Variants in DMD observed in about 807,000 individuals in gnomAD.
DMD encodes dystrophin.
In DMD, 63 loss-of-function variants were observed where a neutral mutation model predicts 330.1. The observed-to-expected ratio is 0.19, with a 90% CI of 0.16 to 0.24. The LOEUF is 0.24. Ranked by LOEUF, DMD falls within the 10% of genes least tolerant of loss-of-function variation. DMD has a pLI of 1.00. For missense variants in DMD, 3,344 were observed against 2,684.1 expected, an observed-to-expected ratio of 1.25 and a Z score of -5.43; for synonymous variants, 1,223 against 959.8, an observed-to-expected ratio of 1.27 and a Z score of -5.07.
chrX:31,325,177 T>C (rs1256466878), intron 61 of DMD, among the ~76,000 whole-genome samples: 1 of 111,504 alleles, frequency 9.0e-6, no homozygotes, highest in Non-Finnish European at 1.9e-5. Context: ...TCCTCCTGCC[T>C]TCCCTGCTTC....
At chrX:31,408,511 T>C (rs1304135896) in intron 60 of DMD, among the ~76,000 whole-genome samples, 4 of 110,890 alleles carry the variant, frequency 3.6e-5, no homozygotes. Context: ...GTTTAAGTGA[T>C]TCTCATGCCT....
Position 32,190,547 on chromosome X carries a change from ATT to A in DMD, c.6438+26367_6438+26368del, listed in dbSNP as rs1491475502. Among the ~76,000 whole-genome samples the A allele has an allele frequency of 1.1e-4, 4 of 35,876 alleles. 1 individual carries two copies. In the East Asian group the frequency reaches 3.5e-3, roughly 31 times the overall value. The allele number at this position is 35,876 out of a possible 115,157, so 31.2% of individuals were successfully genotyped here. Reference sequence around the variant, plus strand: ...CATATTCTAGCTAACCATATTTAAAATTTTATATATATATATATATATATATA... The same window carrying A: ...CATATTCTAGCTAACCATATTTAAAATTATATATATATATATATATATATA... On this transcript the variant is annotated intron_variant, in intron 44 of 78. Coordinates refer to ENST00000357033, the MANE Select transcript of DMD (RefSeq NM_004006.3).
At chrX:31,238,786 C>G (rs375716597) in intron 63 of DMD, among the ~76,000 whole-genome samples, 141 of 111,635 alleles carry the variant, frequency 1.3e-3, no homozygotes, top group African/African-American at 4.4e-3. Flanking sequence ...CAGTAGTACC[C>G]TCAGAAGAAC....
At chrX:32,343,883 T>C (rs1396208901) in intron 39 of DMD, among the ~76,000 whole-genome samples, 2 of 112,253 alleles carry the variant, frequency 1.8e-5, no homozygotes, top group East Asian at 2.8e-4. Flanking sequence ...TGTTCGTATA[T>C]TGGTGAACAT....
intron 45 of DMD, among the ~76,000 whole-genome samples, chrX:31,955,334 C>T (rs1049815417): frequency 1.8e-5 from 2 of 112,129 alleles, no homozygotes; most frequent in Non-Finnish European, 3.8e-5. Context: ...TCTACCCTGT[C>T]GTCACTATTA....
At chrX:32,910,877 T>C (rs892768445) in intron 2 of DMD, among the ~76,000 whole-genome samples, 9 of 112,391 alleles carry the variant, frequency 8.0e-5, no homozygotes, top group Non-Finnish European at 1.5e-4. Flanking sequence ...CACAAAGCCA[T>C]GTCTTAGAGC....
At chrX:32,600,606 A>T (rs1328496149) in intron 12 of DMD, among the ~76,000 whole-genome samples, 2 of 105,847 alleles carry the variant, frequency 1.9e-5, no homozygotes, top group Non-Finnish European at 3.8e-5. Flanking sequence ...ACGCACACAC[A>T]CACACACACA....
At chrX:31,436,401 T>A (rs2149035157) in intron 60 of DMD, among the ~76,000 whole-genome samples, 1 of 111,345 alleles carries the variant, frequency 9.0e-6, no homozygotes, top group Admixed American at 9.6e-5. Context: ...ATACTTCATA[T>A]AATTTTTTCA....
intron 1 of DMD, among the ~76,000 whole-genome samples, chrX:33,118,548 C>G (rs943554659): frequency 5.4e-5 from 6 of 111,780 alleles, no homozygotes; most frequent in Non-Finnish European, 1.1e-4. Flanking sequence ...TTACTCAGTC[C>G]TAGGAAAAGA....
chrX:32,789,955 A>G (rs1185594966), intron 7 of DMD, among the ~76,000 whole-genome samples: 2 of 112,311 alleles, frequency 1.8e-5, no homozygotes, highest in African/African-American at 6.5e-5. Flanking sequence ...AAGTAAAAAC[A>G]CTGGTTTCAA....
intron 44 of DMD, among the ~76,000 whole-genome samples, chrX:31,979,621 T>C (rs2095462546): frequency 1.3e-5 from 1 of 76,239 alleles, no homozygotes; most frequent in Non-Finnish European, 2.7e-5. Flanking sequence ...ACTAGGGGTC[T>C]AGCAAAAAAA....
chrX:32,040,950 C>T (rs1417786477), intron 44 of DMD, among the ~76,000 whole-genome samples: 1 of 111,339 alleles, frequency 9.0e-6, no homozygotes, highest in Non-Finnish European at 1.9e-5. Context: ...TGTATACAGA[C>T]ACATCCCCTG....
At chrX:32,282,507 T>C (rs970123439) in intron 43 of DMD, among the ~76,000 whole-genome samples, 14 of 112,124 alleles carry the variant, frequency 1.2e-4, no homozygotes, top group Non-Finnish European at 1.7e-4. Context: ...GTGTTGACTG[T>C]TAGTGAACAA....
chrX:31,236,413 C>G (rs1321486105), intron 63 of DMD, among the ~76,000 whole-genome samples: 2 of 112,487 alleles, frequency 1.8e-5, no homozygotes, highest in African/African-American at 6.5e-5. Context: ...ATCGTCCACC[C>G]CCGCAATCCT....
intron 50 of DMD, among the ~76,000 whole-genome samples, chrX:31,814,482 CAAAAAAAAAAAAAAAAA>C (rs151208391): frequency 4.5e-4 from 13 of 28,993 alleles, no homozygotes; most frequent in South Asian, 5.6e-3. Context: ...GACTCCGTCT[CAAAAAAAAAAAAAAAAA>C]AAAAAAAAAA....
chrX:32,614,651 A>C (rs2057419828), intron 11 of DMD, among the ~76,000 whole-genome samples, 198 bp from the exon 12 acceptor site: 1 of 111,433 alleles, frequency 9.0e-6, no homozygotes, highest in African/African-American at 3.3e-5. Context: ...ATAGTTCACA[A>C]ATCCTGATTT....
chrX:31,424,739 A>G (rs1472610483), intron 60 of DMD, among the ~76,000 whole-genome samples: 3 of 112,737 alleles, frequency 2.7e-5, no homozygotes, highest in Non-Finnish European at 5.6e-5. Context: ...AAGGAAAATA[A>G]AACAACAGAT....
At chrX:32,125,499 G>C (rs2146835002) in intron 44 of DMD, among the ~76,000 whole-genome samples, 1 of 111,738 alleles carries the variant, frequency 8.9e-6, no homozygotes, top group East Asian at 2.8e-4. Flanking sequence ...CATTTAAGTG[G>C]AGATGTCAAT....
chrX:32,595,974 C>T (rs1249004087), intron 12 of DMD, 98 bp from the exon 13 acceptor site: 2 of 783,333 alleles, frequency 2.6e-6, no homozygotes, highest in Non-Finnish European at 1.9e-6. Context: ...TCTGCTACAT[C>T]TCAGGTACTC....
Sources: allele counts gnomAD v4.1 joint callset (sites outside exome capture counted in the v4.1 genomes callset), GRCh38; gene constraint gnomAD v4.1.1; transcripts MANE v1.5; gene names NCBI Gene and HGNC (gene_info 2026-07-23, HGNC 2026-07-21).